The following PRDM10 variants were observed in gnomAD, a reference collection of about 807,000 sequenced individuals.
PRDM10 encodes the protein PR domain zinc finger protein 10.
PRDM10 carries 65 observed loss-of-function variants against 133.1 expected under a neutral mutation model. The observed-to-expected ratio is 0.49, with a 90% CI of 0.40 to 0.60. PRDM10 has a LOEUF of 0.60. PRDM10 is among the 20% of genes least tolerant of loss of function. PRDM10 has a pLI of 0.00. For synonymous variants in PRDM10, 582 were observed against 580.4 expected, an observed-to-expected ratio of 1.00 and a Z score of -0.04; for missense variants, 1,137 against 1,507.1, an observed-to-expected ratio of 0.75 and a Z score of 4.07.
chr11:129,924,785 G>T, intron 12 of PRDM10, 97 bp downstream of exon 12: 1 of 1,033,260 alleles, frequency 9.7e-7, no homozygotes, highest in Non-Finnish European at 1.4e-6. Context: ...AAGAAGGGAT[G>T]GAAATGCAGG....
Position 129,963,415 on chromosome 11 carries a change from A to AGAAGAGAAGG in PRDM10, c.-118-2334_-118-2333insCCTTCTCTTC, listed in dbSNP as rs1477103731. Among the ~76,000 whole-genome samples the AGAAGAGAAGG allele has an allele frequency of 4.5e-4, 68 of 150,502 alleles. 1 individual carries two copies. Among genetic ancestry groups the AGAAGAGAAGG allele is most frequent in the Non-Finnish European group, 8.0e-4 (54 of 67,792 alleles). On this transcript the variant is annotated intron_variant, in intron 1 of 20. Coordinates refer to ENST00000360871, the MANE Select transcript of PRDM10 (RefSeq NM_199437.2). ...AGAAGAGAAGAGAAGAGAAGAGAAG[A>AGAAGAGAAGG]GAAGAGAAGAGAAGAGAAGAGAAGA...
At chr11:129,978,390 A>G (rs1012754087) in intron 1 of PRDM10, among the ~76,000 whole-genome samples, 1 of 152,220 alleles carries the variant, frequency 6.6e-6, no homozygotes, top group Non-Finnish European at 1.5e-5. Flanking sequence ...TGCTTCTGAT[A>G]TGAGACTGAG....
intron 13 of PRDM10, among the ~76,000 whole-genome samples, chr11:129,919,459 T>C (rs976587249): frequency 6.6e-6 from 1 of 152,242 alleles, no homozygotes; most frequent in Non-Finnish European, 1.5e-5. Flanking sequence ...AGAATCTCTA[T>C]CTTATGGATT....
intron 19 of PRDM10, among the ~76,000 whole-genome samples, chr11:129,909,599 C>T (rs1950122612): frequency 1.3e-5 from 2 of 152,094 alleles, no homozygotes; most frequent in Non-Finnish European, 2.9e-5. Flanking sequence ...AAGATCAATA[C>T]CGACCCTTTC....
intron 8 of PRDM10, among the ~76,000 whole-genome samples, chr11:129,935,443 G>A (rs973889761): frequency 2.0e-5 from 3 of 152,054 alleles, no homozygotes; most frequent in Non-Finnish European, 4.4e-5. Context: ...AGACATCAAA[G>A]GAACAAGTAC....
Position 129,915,004 on chromosome 11 carries a change from C to T in PRDM10, c.2541G>A (p.Gln847=). 6.3e-7 allele frequency: 1 copy of T among 1,595,242 alleles called. No homozygotes were observed. Among genetic ancestry groups the T allele is most frequent in the Non-Finnish European group, 8.6e-7 (1 of 1,164,706 alleles). Residue 847 remains glutamine, a synonymous_variant, in exon 17 of 21, where the codon CAG becomes CAA. Coordinates refer to ENST00000360871, the MANE Select transcript of PRDM10 (RefSeq NM_199437.2). ...ACTCTGGATGCTTCTTTCGAATGTG[C>T]TGGACCATCTTGGTCTGAAAAAGCA... ...KQYSSKTKMV[Q]HIRKKHPEFA...
At chr11:129,928,786 T>TCTTCCA (rs1160466497) in intron 11 of PRDM10, among the ~76,000 whole-genome samples, 1 of 152,170 alleles carries the variant, frequency 6.6e-6, no homozygotes, top group Non-Finnish European at 1.5e-5. Context: ...CTCGGCTCAC[T>TCTTCCA]CTGCACCATC....
chr11:129,900,941 A>G lies in PRDM10; in HGVS notation c.*1372T>C, dbSNP rs1246898995. Reference sequence around the variant, plus strand: ...ATAAAGAAGCTACTCTACTTAATTTATAGAACCAGTTTTTACCCAGAAATG... The same window carrying G: ...ATAAAGAAGCTACTCTACTTAATTTGTAGAACCAGTTTTTACCCAGAAATG... On this transcript the variant is annotated 3_prime_UTR_variant, in exon 21 of 21. Coordinates refer to ENST00000360871, the MANE Select transcript of PRDM10 (RefSeq NM_199437.2). The G allele has an allele frequency of 6.6e-6, 1 of 152,650 alleles. No homozygotes were observed. Among genetic ancestry groups the G allele is most frequent in the Admixed American group, 6.5e-5 (1 of 15,274 alleles). 9.5% of individuals were successfully genotyped at this position (152,650 alleles called of 1,614,324 possible).
In PRDM10 at chr11:129,915,732, G is replaced by A. The variant is rs767190685; in HGVS notation, c.2454C>T (p.His818=). The change falls in exon 16 of 21, where the codon CAC becomes CAT. Residue 818 remains histidine, a synonymous_variant. Transcript: ENST00000360871. The part of the protein sequence containing the change: ...PGEPDPMLST[H]TQLTGTIATP... Reference sequence around the variant, plus strand: ...TGGCGATGGTGCCCGTCAGCTGGGTGTGTGTGCTCAGCATGGGGTCTGGCT... The same window carrying A: ...TGGCGATGGTGCCCGTCAGCTGGGTATGTGTGCTCAGCATGGGGTCTGGCT... The A allele has an allele frequency of 5.6e-6, 9 of 1,614,058 alleles. No homozygotes were observed. The African/African-American group carries it at 9.3e-5, about 17-fold the overall frequency.
rs551284353 is a variant in PRDM10, at chr11:129,943,829, C to G, written c.762+942G>C. Among the ~76,000 whole-genome samples the G allele has an allele frequency of 3.9e-5, 6 of 152,084 alleles. No homozygotes were observed. The East Asian group carries it at 1.2e-3, about 29-fold the overall frequency. ...CTAACATGGTGAAACCTCCTCTCTACTAAAAACACAAAAATTAGCTGGGCG... is the reference window on the plus strand; with the variant it reads ...CTAACATGGTGAAACCTCCTCTCTAGTAAAAACACAAAAATTAGCTGGGCG... On this transcript the variant is annotated intron_variant, in intron 6 of 20. Coordinates refer to ENST00000360871, the MANE Select transcript of PRDM10 (RefSeq NM_199437.2).
chr11:129,916,476 A>AAAAAT (rs1457035015), intron 15 of PRDM10, among the ~76,000 whole-genome samples: 26 of 152,206 alleles, frequency 1.7e-4, no homozygotes, highest in Non-Finnish European at 2.9e-4. Context: ...TGTCTCTACT[A>AAAAAT]AAAATACAAA....
intron 1 of PRDM10, among the ~76,000 whole-genome samples, chr11:129,978,996 G>T (rs1937953136): frequency 6.6e-6 from 1 of 152,182 alleles, no homozygotes; most frequent in African/African-American, 2.4e-5. Context: ...TGAGACACTT[G>T]TTGGGGGTCC....
chr11:129,916,449 C>A (rs574199442), intron 15 of PRDM10, among the ~76,000 whole-genome samples: 2 of 152,334 alleles, frequency 1.3e-5, no homozygotes, highest in South Asian at 2.1e-4. Flanking sequence ...ATCATCCTGG[C>A]CAACATGGTG....
rs151292752 is a variant in PRDM10 at position 129,950,018 on chromosome 11, T to C, written c.295-2648A>G. Among the ~76,000 whole-genome samples, 511 of 141,558 alleles carry C rather than the reference T, an allele frequency of 3.6e-3. 7 individuals are homozygous for C. Among genetic ancestry groups the C allele is most frequent in the African/African-American group, 0.013 (486 of 37,502 alleles). The allele number at this position is 141,558 out of a possible 152,430, so 92.9% of individuals were successfully genotyped here. On this transcript the variant is annotated intron_variant, in intron 4 of 20. Transcript: ENST00000360871. ...TCCGAGGTTGAGGCAGGAGGATTGC[T>C]TGAGCCCAGGATTTCGAGACCAGCC...
chr11:129,976,510 T>C (rs1053694119), intron 1 of PRDM10, among the ~76,000 whole-genome samples: 3 of 152,206 alleles, frequency 2.0e-5, no homozygotes, highest in African/African-American at 7.2e-5. Context: ...TCAATGAAGT[T>C]GTTTAAAACT....
At chr11:129,941,557 C>G (rs1023021908) in intron 7 of PRDM10, among the ~76,000 whole-genome samples, 1 of 152,184 alleles carries the variant, frequency 6.6e-6, no homozygotes, top group Non-Finnish European at 1.5e-5. Context: ...CAGATATACA[C>G]GCGTTCCTGT....
intron 2 of PRDM10, among the ~76,000 whole-genome samples, chr11:129,959,054 G>A (rs573384841): frequency 2.6e-5 from 4 of 152,182 alleles, no homozygotes; most frequent in South Asian, 2.1e-4. Context: ...TCGAAGTCAC[G>A]CACTCTTAGG....
chr11:129,969,704 G>A (rs941981834), intron 1 of PRDM10, among the ~76,000 whole-genome samples: 6 of 152,012 alleles, frequency 3.9e-5, no homozygotes, highest in Admixed American at 6.6e-5. Flanking sequence ...CTACCCAGGA[G>A]GCTGAGACAC....
At chr11:129,970,307 A>G (rs1290559107) in intron 1 of PRDM10, among the ~76,000 whole-genome samples, 2 of 152,230 alleles carry the variant, frequency 1.3e-5, no homozygotes, top group Non-Finnish European at 2.9e-5. Flanking sequence ...TAGGCACATT[A>G]TATCTCTACT....
Sources: gnomAD v4.1 joint callset for allele counts (sites outside exome capture counted in the v4.1 genomes callset) on GRCh38, gnomAD v4.1.1 for gene constraint, MANE v1.5 for transcripts, NCBI Gene and HGNC (gene_info 2026-07-23, HGNC 2026-07-21) for gene names.